RBFOX1: variants seen among roughly 807,000 people sequenced by gnomAD.
RBFOX1 encodes RNA binding protein fox-1 homolog 1.
A neutral mutation model predicts 57.7 loss-of-function variants in RBFOX1; 8 were observed. The ratio of observed to expected loss-of-function variants is 0.14; its 90% CI spans 0.08 to 0.25. The LOEUF (loss-of-function observed/expected upper bound fraction) is 0.25, where lower values mean the gene tolerates loss of function less well. RBFOX1 is among the 10% of genes least tolerant of loss of function. The probability of loss-of-function intolerance (pLI) is 1.00; values close to 1 mark genes in which losing one functional copy is unlikely to be tolerated. For missense variants in RBFOX1, 611 were observed against 548.5 expected (o/e 1.11, Z -1.14); for synonymous variants, 326 against 222.4 (o/e 1.47, Z -4.15).
At chr16:6,180,551 T>C (rs1035934062) in intron 1 of RBFOX1, among the ~76,000 whole-genome samples, 2 of 151,920 alleles carry the variant, frequency 1.3e-5, no homozygotes, top group Non-Finnish European at 2.9e-5. Flanking sequence ...GTTTCATTTT[T>C]GTTGTTATTG....
intron 3 of RBFOX1, among the ~76,000 whole-genome samples, chr16:5,803,761 TTTCTA>T (rs1206804394): frequency 1.3e-5 from 2 of 152,204 alleles, no homozygotes; most frequent in African/African-American, 4.8e-5. Context: ...CTTGATCCCC[TTTCTA>T]TTATCTCATG....
intron 2 of RBFOX1, among the ~76,000 whole-genome samples, chr16:5,474,179 C>G (rs931793254): frequency 6.6e-6 from 1 of 152,162 alleles, no homozygotes; most frequent in African/African-American, 2.4e-5. Flanking sequence ...AAACCCTACC[C>G]ATTATTCAAC....
In RBFOX1 at chr16:5,629,987, T is replaced by C. The variant is rs989228144; in HGVS notation, c.318+31026T>C. 7.9e-5 allele frequency among the ~76,000 whole-genome samples: 12 copies of C among 152,150 alleles called. No homozygotes were observed. The East Asian group carries it at 1.2e-3, about 15-fold the overall frequency. ...GTGCCTGGTGACTGCTGTTATTTGG[T>C]TGGGGATAGGATCTCTCTATGTCCT... On this transcript the variant is annotated intron_variant, in intron 3 of 19. Transcript: ENST00000641259.
At chr16:6,743,127 T>A (rs2072693513) in intron 3 of RBFOX1, among the ~76,000 whole-genome samples, 1 of 152,176 alleles carries the variant, frequency 6.6e-6, no homozygotes, top group African/African-American at 2.4e-5. Flanking sequence ...TTATAAAGAT[T>A]TGCCTTTTAT....
At chr16:7,194,404 A>G (rs539869498) in intron 4 of RBFOX1, among the ~76,000 whole-genome samples, 2 of 152,208 alleles carry the variant, frequency 1.3e-5, no homozygotes, top group African/African-American at 4.8e-5. Context: ...AAAAGATACT[A>G]AGCAGCTGAC....
intron 2 of RBFOX1, among the ~76,000 whole-genome samples, chr16:6,603,647 T>G (rs2097885142): frequency 6.6e-6 from 1 of 152,158 alleles, no homozygotes; most frequent in South Asian, 2.1e-4. Flanking sequence ...CTGGGGGTTA[T>G]GCACCACTAG....
chr16:7,055,977 A>G (rs1436654014), intron 4 of RBFOX1, among the ~76,000 whole-genome samples: 1 of 152,214 alleles, frequency 6.6e-6, no homozygotes, highest in Non-Finnish European at 1.5e-5. Flanking sequence ...CACAGGTCAC[A>G]TCTTCCATCC....
chr16:5,916,970 G>C (rs913108111), intron 4 of RBFOX1, among the ~76,000 whole-genome samples: 3 of 152,104 alleles, frequency 2.0e-5, no homozygotes, highest in Admixed American at 6.6e-5. Flanking sequence ...CTTTGATGCG[G>C]GTGTTATGAC....
At chr16:7,154,617 G>A (rs1336712244) in intron 4 of RBFOX1, among the ~76,000 whole-genome samples, 1 of 151,932 alleles carries the variant, frequency 6.6e-6, no homozygotes. Context: ...AAAATAGTGG[G>A]CAGTTGTAAG....
intron 2 of RBFOX1, among the ~76,000 whole-genome samples, chr16:6,399,943 T>A (rs1324231905): frequency 1.3e-5 from 2 of 152,044 alleles, no homozygotes; most frequent in Non-Finnish European, 2.9e-5. Context: ...TCACCCACTA[T>A]CACGAGTACA....
intron 4 of RBFOX1, among the ~76,000 whole-genome samples, chr16:5,982,856 G>A (rs1249796657): frequency 6.6e-6 from 1 of 152,184 alleles, no homozygotes; most frequent in Non-Finnish European, 1.5e-5. Flanking sequence ...TATTATATCT[G>A]TTATGTCTCA....
At chr16:7,215,193 A>T (rs891358148) in intron 4 of RBFOX1, among the ~76,000 whole-genome samples, 8 of 152,168 alleles carry the variant, frequency 5.3e-5, no homozygotes, top group African/African-American at 1.7e-4. Flanking sequence ...TTTGCTGAGG[A>T]TGATGGTTCA....
intron 1 of RBFOX1, among the ~76,000 whole-genome samples, chr16:6,143,675 C>T (rs1259214359): frequency 6.6e-6 from 1 of 152,044 alleles, no homozygotes; most frequent in Non-Finnish European, 1.5e-5. Context: ...TTTAGGGACT[C>T]CAGGATGGTG....
At position 7,521,942 on chromosome 16, in the gene RBFOX1, G is replaced by A. The variant is rs2077592441; in HGVS notation, c.270+3553G>A. On this transcript the variant is annotated intron_variant, in intron 5 of 15. Coordinates refer to ENST00000550418, the MANE Select transcript of RBFOX1 (RefSeq NM_018723.4). ...CACCTCAGCTCTCTGGCTCTGTCCT[G>A]CAAGTTCAGGCTCCAGTCACCACCT... is the stretch of plus-strand genomic sequence containing the variant. Among the ~76,000 whole-genome samples the A allele has an allele frequency of 2.0e-5, 3 of 152,146 alleles. No individual in the cohort carries two copies. In the South Asian group the frequency reaches 6.2e-4, roughly 31 times the overall value.
At chr16:6,253,235 T>G (rs2097635385) in intron 1 of RBFOX1, among the ~76,000 whole-genome samples, 1 of 152,178 alleles carries the variant, frequency 6.6e-6, no homozygotes, top group Non-Finnish European at 1.5e-5. Context: ...ACAAAAAGGT[T>G]GTTAAAAGCA....
chr16:7,193,132 C>T (rs558449505), intron 4 of RBFOX1, among the ~76,000 whole-genome samples: 11 of 152,268 alleles, frequency 7.2e-5, no homozygotes, highest in South Asian at 2.1e-4. Flanking sequence ...TTGAGATAGG[C>T]GCATTATCCT....
At chr16:7,283,389 C>T (rs1269943714) in intron 4 of RBFOX1, among the ~76,000 whole-genome samples, 1 of 152,012 alleles carries the variant, frequency 6.6e-6, no homozygotes, top group Non-Finnish European at 1.5e-5. Context: ...GATCAGTGTC[C>T]ACCATGAGTT....
Position 5,801,358 on chromosome 16 carries a change from A to T in RBFOX1, c.319-65945A>T, listed in dbSNP as rs540785725. On this transcript the variant is annotated intron_variant, in intron 3 of 19. Transcript: ENST00000641259. ...CCCTCTCTCTTTTTTTTTTTTTTCA[A>T]TTTGAGTTTCGGGGTAAAATTGTCT... Among the ~76,000 whole-genome samples the T allele has an allele frequency of 8.7e-4, 121 of 139,734 alleles. No homozygotes were observed. In the East Asian group the frequency reaches 0.017, roughly 20 times the overall value. The allele number at this position is 139,734 out of a possible 152,430, so 91.7% of individuals were successfully genotyped here.
chr16:7,674,406 C>G (rs1274968258), intron 13 of RBFOX1, among the ~76,000 whole-genome samples: 2 of 152,132 alleles, frequency 1.3e-5, no homozygotes, highest in East Asian at 1.9e-4. Context: ...CTAGAAGTAG[C>G]TACTCTGTTG....
Sources: gnomAD v4.1 joint callset for allele counts (sites outside exome capture counted in the v4.1 genomes callset) on GRCh38, gnomAD v4.1.1 for gene constraint, MANE v1.5 for transcripts, NCBI Gene and HGNC (gene_info 2026-07-23, HGNC 2026-07-21) for gene names.